Variants in PCDHGA5 observed in about 807,000 individuals in gnomAD.
PCDHGA5 encodes protocadherin gamma subfamily A, 5, also known as protocadherin gamma-A5.
Under a neutral mutation model 56.7 loss-of-function variants are expected in PCDHGA5, and 36 were observed. The observed-to-expected ratio is 0.64, with a 90% CI of 0.49 to 0.84. The LOEUF (loss-of-function observed/expected upper bound fraction) is 0.84, where lower values mean the gene tolerates loss of function less well. Ranked by LOEUF, PCDHGA5 falls within the 40% of genes least tolerant of loss-of-function variation. The probability of loss-of-function intolerance (pLI) is 0.00; values close to 1 mark genes in which losing one functional copy is unlikely to be tolerated. For synonymous variants in PCDHGA5, 563 were observed against 520.2 expected (o/e 1.08, Z -1.12); for missense variants, 1,305 against 1,201.5 (o/e 1.09, Z -1.27).
intron 1 of PCDHGA5, among the ~76,000 whole-genome samples, chr5:141,474,770 G>A (rs1221980722): frequency 6.6e-6 from 1 of 152,204 alleles, no homozygotes; most frequent in African/African-American, 2.4e-5. Context: ...GAAATAGTAT[G>A]AGGCTCTAAC....
At chr5:141,472,745 G>A (rs931198460) in intron 1 of PCDHGA5, among the ~76,000 whole-genome samples, 4 of 152,038 alleles carry the variant, frequency 2.6e-5, no homozygotes, top group African/African-American at 9.7e-5. Flanking sequence ...CAGCACTTTG[G>A]GAGGCGGAGG....
chr5:141,404,545 G>A (rs763601254), intron 1 of PCDHGA5: 1 of 1,613,940 alleles, frequency 6.2e-7, no homozygotes, highest in Admixed American at 1.7e-5. Context: ...TGCAAATGCA[G>A]GTGACGGCAA....
chr5:141,383,695 G>T (rs373055594), intron 1 of PCDHGA5: 1 of 1,613,974 alleles, frequency 6.2e-7, no homozygotes, highest in Non-Finnish European at 8.5e-7. Context: ...CACGGTACAT[G>T]CTATCGACCT....
In PCDHGA5 at chr5:141,389,323, G is replaced by T. The variant is rs1230521211; in HGVS notation, c.2421+22572G>T. 26 of 1,613,980 alleles carry T rather than the reference G, an allele frequency of 1.6e-5. No individual in the cohort carries two copies. Among genetic ancestry groups the T allele is most frequent in the Non-Finnish European group, 1.8e-5 (21 of 1,179,896 alleles). ...GTCAGGGCTTCTGATCCGGACTTGG[G>T]GCCCAACGGCCAAGTCTCTTACTGC... On this transcript the variant is annotated intron_variant, in intron 1 of 3. Transcript: ENST00000518069.
chr5:141,394,001 G>A (rs766773377), intron 1 of PCDHGA5: 4 of 1,613,340 alleles, frequency 2.5e-6, no homozygotes, highest in Admixed American at 1.7e-5. Context: ...AATTAGAAAA[G>A]TCAATAGGTA....
chr5:141,418,345 T>C, intron 1 of PCDHGA5: 1 of 1,614,000 alleles, frequency 6.2e-7, no homozygotes, highest in Non-Finnish European at 8.5e-7. Context: ...ATCCTGATAT[T>C]AGTATGAATT....
intron 1 of PCDHGA5, chr5:141,378,193 TA>T (rs376966694): frequency 7.2e-5 from 11 of 152,366 alleles, no homozygotes; most frequent in Middle Eastern, 3.4e-3. Context: ...GTGTGCCTAC[TA>T]CAGTGTCTTT....
intron 1 of PCDHGA5, chr5:141,484,876 A>T (rs1461505847): frequency 6.3e-6 from 2 of 315,126 alleles, no homozygotes; most frequent in Admixed American, 9.4e-5. Flanking sequence ...CGTGGAGGAT[A>T]GGGTGGGCTT....
chr5:141,487,824 C>A lies in PCDHGA5; in HGVS notation c.2422-6983C>A. The stretch of plus-strand genomic sequence containing the variant: ...TCACAGTTTAGCATTGGGGGCGGGT[C>A]ATGCCTATATCTGAGTAAGAAATGA... On this transcript the variant is annotated intron_variant, in intron 1 of 3. Coordinates refer to ENST00000518069, the MANE Select transcript of PCDHGA5 (RefSeq NM_018918.3). This position sits in a 1 kb window ranked among gnomAD's most constrained non-coding sequence, Gnocchi z 5.0. 2 of 1,247,252 alleles carry A rather than the reference C, an allele frequency of 1.6e-6. No individual in the cohort carries two copies. The highest frequency in any genetic ancestry group is 2.9e-5 in the South Asian group (2 of 68,154). The allele number at this position is 1,247,252 out of a possible 1,614,324, so 77.3% of individuals were successfully genotyped here. A position where few individuals can be genotyped will look rare whatever the true frequency, so the allele number is the denominator to read the frequency against.
intron 1 of PCDHGA5, among the ~76,000 whole-genome samples, chr5:141,452,522 A>G (rs924248463): frequency 6.6e-6 from 1 of 152,310 alleles, no homozygotes; most frequent in African/African-American, 2.4e-5. Context: ...CTCCCTCAAA[A>G]TCGTGAGTTC....
intron 1 of PCDHGA5, among the ~76,000 whole-genome samples, chr5:141,380,845 A>G (rs1215311097): frequency 6.6e-6 from 1 of 152,272 alleles, no homozygotes; most frequent in Admixed American, 6.5e-5. Context: ...GTAAAAATGG[A>G]TCAAGACATT....
chr5:141,371,651 T>C, intron 1 of PCDHGA5: 1 of 1,613,998 alleles, frequency 6.2e-7, no homozygotes, highest in Admixed American at 1.7e-5. Flanking sequence ...CAGAATACAA[T>C]GTGACGATCA....
At position 141,386,158 on chromosome 5, in the gene PCDHGA5, A is replaced by G. The variant is rs530436705; in HGVS notation, c.2421+19407A>G. ...TGGCTTTGTTTCAACTGTCTCACGTACTCAAACCTTAGACCATCTTATGTA... is the reference window on the plus strand; with the variant it reads ...TGGCTTTGTTTCAACTGTCTCACGTGCTCAAACCTTAGACCATCTTATGTA... On this transcript the variant is annotated intron_variant, in intron 1 of 3. Coordinates refer to ENST00000518069, the MANE Select transcript of PCDHGA5 (RefSeq NM_018918.3). Among the ~76,000 whole-genome samples, 24 of 152,284 alleles carry G rather than the reference A, an allele frequency of 1.6e-4. No individual in the cohort carries two copies. In the East Asian group the frequency reaches 4.6e-3, roughly 29 times the overall value.
Position 141,432,757 on chromosome 5 carries a change from C to T in PCDHGA5, c.2422-62050C>T. On this transcript the variant is annotated intron_variant, in intron 1 of 3. Coordinates refer to ENST00000518069, the MANE Select transcript of PCDHGA5 (RefSeq NM_018918.3). This position sits in a 1 kb window ranked among gnomAD's most constrained non-coding sequence, Gnocchi z 6.0. ...TCACGCTCACCGTGGCCGTGGCCGA[C>T]AGCATCCCCCAAGTCCTGGCGGACC... is the stretch of plus-strand genomic sequence containing the variant. 1.2e-6 allele frequency: 2 copies of T among 1,614,150 alleles called. No individual in the cohort carries two copies. Among genetic ancestry groups the T allele is most frequent in the African/African-American group, 1.3e-5 (1 of 75,076 alleles).
At chr5:141,374,777 G>A (rs755463569) in intron 1 of PCDHGA5, 1 of 1,613,852 alleles carries the variant, frequency 6.2e-7, no homozygotes, top group South Asian at 1.1e-5. Context: ...TCTGGTAACA[G>A]TTCTAGATGT....
At chr5:141,434,830 C>A (rs7703679) in intron 1 of PCDHGA5, among the ~76,000 whole-genome samples, 45,467 of 151,546 alleles carry the variant, frequency 0.3, 8,050 homozygotes, top group African/African-American at 0.5. Flanking sequence ...GTACACTTGG[C>A]ATTTATAAAG....
intron 1 of PCDHGA5, chr5:141,382,881 C>G (rs780011802): frequency 6.5e-7 from 1 of 1,527,170 alleles, no homozygotes; most frequent in South Asian, 1.3e-5. Context: ...GGCGCCTAAG[C>G]AAGAGAAGCA....
intron 1 of PCDHGA5, chr5:141,367,888 TG>T (rs1765380243): frequency 6.6e-6 from 1 of 152,184 alleles, no homozygotes; most frequent in African/African-American, 2.4e-5. Flanking sequence ...CTTTATTACT[TG>T]AGTTTAAGGT....
At chr5:141,401,657 G>T (rs1398256315) in intron 1 of PCDHGA5, among the ~76,000 whole-genome samples, 3 of 152,204 alleles carry the variant, frequency 2.0e-5, no homozygotes, top group Non-Finnish European at 4.4e-5. Context: ...ATGACTGGAT[G>T]TTTTCTCAAC....
Sources: gnomAD v4.1 joint callset for allele counts (sites outside exome capture counted in the v4.1 genomes callset) on GRCh38, gnomAD v4.1.1 for gene constraint, Gnocchi (gnomAD v3.1) non-coding constraint, MANE v1.5 for transcripts, NCBI Gene and HGNC (gene_info 2026-07-23, HGNC 2026-07-21) for gene names.